STAG2: variants seen among roughly 807,000 people sequenced by gnomAD.
STAG2 encodes the protein STAG2 cohesin complex component, also known as cohesin subunit SA-2.
STAG2 carries 14 observed loss-of-function variants against 108.1 expected under a neutral mutation model. The observed-to-expected ratio is 0.13, with a 90% CI of 0.09 to 0.20. The LOEUF (loss-of-function observed/expected upper bound fraction) is 0.20. Among genes scored for constraint, STAG2 ranks in the 10% least tolerant of loss-of-function variants. STAG2 has a pLI of 1.00. For missense variants in STAG2, 440 were observed against 940.9 expected (o/e 0.47, Z 6.96); for synonymous variants, 307 against 302.7 (o/e 1.01, Z -0.15).
chrX:124,042,972 G>A (rs1347906894), intron 7 of STAG2, among the ~76,000 whole-genome samples: 1 of 104,902 alleles, frequency 9.5e-6, no homozygotes, highest in Non-Finnish European at 2.0e-5. Flanking sequence ...CCGAGCTCTC[G>A]CCACTGTACT....
intron 7 of STAG2, among the ~76,000 whole-genome samples, chrX:124,044,446 TACTGA>T (rs2148174134): frequency 8.9e-6 from 1 of 112,107 alleles, no homozygotes; most frequent in East Asian, 2.8e-4. Context: ...TTTTAAAATT[TACTGA>T]ACTGAATTAC....
At position 124,090,557 on chromosome X, in the gene STAG2, GTTAA is replaced by G; in HGVS notation, c.3278-15_3278-12del. 1 of 1,193,850 alleles carries G rather than the reference GTTAA, an allele frequency of 8.4e-7. No individual in the cohort carries two copies. Among genetic ancestry groups the G allele is most frequent in the Non-Finnish European group, 1.1e-6 (1 of 882,067 alleles). On this transcript the variant is annotated splice_polypyrimidine_tract_variant and intron_variant, in intron 30 of 34. Coordinates refer to ENST00000371145, the MANE Select transcript of STAG2 (RefSeq NM_001042750.2). ...TCAAAATTAGTGACTAAACCTCGTCGTTAATTTTCTTTTCCAGCTGAAGAAAGTA... is the reference window on the plus strand; with the variant it reads ...TCAAAATTAGTGACTAAACCTCGTCGTTTTCTTTTCCAGCTGAAGAAAGTA...
chrX:124,056,661 A>G (rs1252423132), intron 14 of STAG2, among the ~76,000 whole-genome samples: 2 of 90,600 alleles, frequency 2.2e-5, no homozygotes, highest in African/African-American at 8.3e-5. Flanking sequence ...TGAACTCGGG[A>G]GGCGGAGCTT....
At chrX:123,972,093 A>G (rs971704421) in intron 1 of STAG2, among the ~76,000 whole-genome samples, 2 of 111,524 alleles carry the variant, frequency 1.8e-5, no homozygotes, top group Admixed American at 9.6e-5. Flanking sequence ...TGTGGAAACA[A>G]CTATATTGTA....
intron 33 of STAG2, among the ~76,000 whole-genome samples, chrX:124,094,599 A>G (rs987831938): frequency 3.6e-5 from 4 of 111,726 alleles, no homozygotes; most frequent in African/African-American, 1.3e-4. Flanking sequence ...GTAGGAGTGT[A>G]TTCTTTATTA....
chrX:123,973,836 C>T (rs778923572), intron 1 of STAG2, among the ~76,000 whole-genome samples: 2 of 106,721 alleles, frequency 1.9e-5, no homozygotes, highest in Admixed American at 1.0e-4. Context: ...AAGAGTGAAA[C>T]TCCCTCTCAA....
chrX:124,080,196 T>C (rs185435788), intron 27 of STAG2, among the ~76,000 whole-genome samples: 92 of 111,449 alleles, frequency 8.3e-4, no homozygotes, highest in African/African-American at 2.9e-3. Flanking sequence ...ATGGTCACCA[T>C]GCTGTACAAT....
At chrX:124,075,211 A>G (rs1295947174) in intron 25 of STAG2, among the ~76,000 whole-genome samples, 5 of 112,272 alleles carry the variant, frequency 4.5e-5, no homozygotes, top group African/African-American at 1.6e-4. Flanking sequence ...CAGACTGTTC[A>G]CCAGAGGAAT....
chrX:124,063,061 ATAT>A (rs2058427706), intron 18 of STAG2, 52 bp from the exon 19 acceptor site: 9 of 1,166,847 alleles, frequency 7.7e-6, no homozygotes, highest in Admixed American at 2.2e-5. Context: ...GCCTCACAGA[ATAT>A]TATAATGCTT....
At chrX:123,978,654 A>G (rs893717009) in intron 1 of STAG2, among the ~76,000 whole-genome samples, 2 of 111,565 alleles carry the variant, frequency 1.8e-5, no homozygotes, top group African/African-American at 6.5e-5. Context: ...TATAGAGACT[A>G]TATAGTAATA....
chrX:124,098,285 C>G (rs1051294100), intron 34 of STAG2, among the ~76,000 whole-genome samples: 4 of 111,208 alleles, frequency 3.6e-5, no homozygotes, highest in Non-Finnish European at 5.7e-5. Context: ...TATAGCATTA[C>G]CACATGATGG....
At chrX:123,975,219 C>A (rs2054564314) in intron 1 of STAG2, among the ~76,000 whole-genome samples, 1 of 108,280 alleles carries the variant, frequency 9.2e-6, no homozygotes, top group Non-Finnish European at 2.0e-5. Context: ...CCCTTCTACA[C>A]TATTAAAAAG....
intron 4 of STAG2, among the ~76,000 whole-genome samples, chrX:124,029,466 A>G (rs2057262832): frequency 9.1e-6 from 1 of 110,037 alleles, no homozygotes; most frequent in Non-Finnish European, 1.9e-5. Flanking sequence ...GTATGCCGCC[A>G]TGCCTGGCTA....
At chrX:123,974,233 TTTC>T (rs1201759291) in intron 1 of STAG2, among the ~76,000 whole-genome samples, 1 of 102,237 alleles carries the variant, frequency 9.8e-6, no homozygotes, top group Non-Finnish European at 2.0e-5. Context: ...TCTTTTCTTT[TTTC>T]TTTTTTTTTT....
chrX:124,080,943 T>G (rs1000469131), intron 27 of STAG2, among the ~76,000 whole-genome samples: 8 of 112,310 alleles, frequency 7.1e-5, no homozygotes, highest in African/African-American at 2.3e-4. Flanking sequence ...ATTATTTCTT[T>G]TGGTTCAAGT....
In STAG2 at chrX:124,068,553, A is replaced by C; in HGVS notation, c.2266-11A>C. ...AATATTTTTTAAAAGTTAATGTTAA[A>C]TTTTTTCAAGGAGGACTTGCTGCGT... On this transcript the variant is annotated splice_polypyrimidine_tract_variant and intron_variant, in intron 23 of 34. Transcript: ENST00000371145. 1 of 1,159,493 alleles carries C rather than the reference A, an allele frequency of 8.6e-7. No homozygotes were observed. Among genetic ancestry groups the C allele is most frequent in the Non-Finnish European group, 1.2e-6 (1 of 868,653 alleles).
At chrX:123,967,871 G>C (rs1238785080) in intron 1 of STAG2, among the ~76,000 whole-genome samples, 3 of 109,979 alleles carry the variant, frequency 2.7e-5, no homozygotes, top group Non-Finnish European at 3.8e-5. Context: ...CACCTCTATA[G>C]GGCAGCTCCC....
intron 1 of STAG2, among the ~76,000 whole-genome samples, chrX:123,998,132 G>A (rs1398900548): frequency 9.2e-6 from 1 of 108,112 alleles, no homozygotes. Flanking sequence ...ATGCCCAGAA[G>A]TGCAATTACT....
intron 1 of STAG2, among the ~76,000 whole-genome samples, chrX:123,996,352 A>G (rs766914726): frequency 5.1e-4 from 57 of 112,308 alleles, no homozygotes; most frequent in African/African-American, 1.7e-3. Flanking sequence ...GCATTTGAGT[A>G]TGGGCAGGCG....
Sources: gnomAD v4.1 joint callset for allele counts (sites outside exome capture counted in the v4.1 genomes callset) on GRCh38, gnomAD v4.1.1 for gene constraint, MANE v1.5 for transcripts, NCBI Gene and HGNC (gene_info 2026-07-23, HGNC 2026-07-21) for gene names.